The following DPP10 variants were observed in gnomAD, a reference collection of about 807,000 sequenced individuals.
DPP10 encodes dipeptidyl peptidase like 10.
A neutral mutation model predicts 120.9 loss-of-function variants in DPP10; 33 were observed. That is an observed-to-expected ratio of 0.27 (90% confidence interval 0.21 to 0.37). The LOEUF is 0.37. Among genes scored for constraint, DPP10 ranks in the 10% least tolerant of loss-of-function variants. DPP10 has a pLI of 1.00. For missense variants in DPP10, 816 were observed against 942.8 expected (o/e 0.87, Z 1.76); for synonymous variants, 337 against 326.1 (o/e 1.03, Z -0.36).
At chr2:114,704,999 C>T (rs1387045010) in intron 1 of DPP10, among the ~76,000 whole-genome samples, 13 of 152,150 alleles carry the variant, frequency 8.5e-5, no homozygotes, top group Non-Finnish European at 4.4e-5. Flanking sequence ...TCCCCAAAAC[C>T]AACCCTGCCA....
chr2:114,789,618 T>A (rs1196086589), intron 1 of DPP10, among the ~76,000 whole-genome samples: 1 of 152,142 alleles, frequency 6.6e-6, no homozygotes, highest in Non-Finnish European at 1.5e-5. Flanking sequence ...AAGCCCTGAT[T>A]TAGAAGATAC....
At chr2:115,336,910 G>C (rs989186975) in intron 2 of DPP10, among the ~76,000 whole-genome samples, 1 of 151,806 alleles carries the variant, frequency 6.6e-6, no homozygotes, top group African/African-American at 2.4e-5. Flanking sequence ...CTGTTTGCTA[G>C]GTAAAAATAA....
In DPP10 at chr2:114,451,094, A is replaced by ATT. The variant is rs35588145; in HGVS notation, c.60+8266_60+8267dup. ...TATTTAAAGATCGGCCCTTTATTTGATTTTTTTTTTTGATTCAGTGAAAGA... is the reference window on the plus strand; with the variant it reads ...TATTTAAAGATCGGCCCTTTATTTGATTTTTTTTTTTTTGATTCAGTGAAAGA... On this transcript the variant is annotated intron_variant, in intron 1 of 25. Coordinates refer to ENST00000410059, the MANE Select transcript of DPP10 (RefSeq NM_020868.6). Among the ~76,000 whole-genome samples the ATT allele has an allele frequency of 6.6e-4, 99 of 150,244 alleles. 3 individuals carry two copies. In the East Asian group the frequency reaches 9.2e-3, roughly 14 times the overall value.
At chr2:115,002,674 A>G (rs1701521908) in intron 1 of DPP10, among the ~76,000 whole-genome samples, 1 of 152,202 alleles carries the variant, frequency 6.6e-6, no homozygotes. Context: ...ACAAGAAAAA[A>G]ATAACCCCAC....
At chr2:114,782,534 T>C (rs1442206046) in intron 1 of DPP10, among the ~76,000 whole-genome samples, 2 of 152,004 alleles carry the variant, frequency 1.3e-5, no homozygotes, top group Non-Finnish European at 2.9e-5. Flanking sequence ...AGGGGGGTGT[T>C]ACATTGACTA....
At chr2:115,385,934 C>T (rs1449179226) in intron 3 of DPP10, among the ~76,000 whole-genome samples, 1 of 152,158 alleles carries the variant, frequency 6.6e-6, no homozygotes, top group Non-Finnish European at 1.5e-5. Context: ...TTCCGAAAGA[C>T]AAGCAAATGG....
In DPP10 at chr2:114,494,761, G is replaced by C. The variant is rs369387831; in HGVS notation, c.60+51923G>C. Among the ~76,000 whole-genome samples, 8 of 152,208 alleles carry C rather than the reference G, an allele frequency of 5.3e-5. No homozygotes were observed. The East Asian group carries it at 1.2e-3, about 22-fold the overall frequency. ...ACATTACTGAGGTCATTTGGCCAGG[G>C]TTTTCTGCAAGAGTAAGGCAAAAGA... is the stretch of plus-strand genomic sequence containing the variant. On this transcript the variant is annotated intron_variant, in intron 1 of 25. Coordinates refer to ENST00000410059, the MANE Select transcript of DPP10 (RefSeq NM_020868.6).
chr2:115,415,084 A>G (rs1224394297), intron 3 of DPP10, among the ~76,000 whole-genome samples: 1 of 152,124 alleles, frequency 6.6e-6, no homozygotes, highest in Non-Finnish European at 1.5e-5. Context: ...TATGCTGCAA[A>G]CTGTGATCCT....
chr2:114,833,489 G>A (rs1687325445), intron 1 of DPP10: 1 of 151,910 alleles, frequency 6.6e-6, no homozygotes, highest in African/African-American at 2.4e-5. Context: ...AAATAAATAG[G>A]GACAGCTCAG....
chr2:114,888,457 C>T (rs1692264410), intron 1 of DPP10, among the ~76,000 whole-genome samples: 1 of 152,006 alleles, frequency 6.6e-6, no homozygotes, highest in South Asian at 2.1e-4. Flanking sequence ...GTATAATGAT[C>T]AAGATTAAAG....
intron 5 of DPP10, among the ~76,000 whole-genome samples, chr2:115,634,110 A>C (rs2086122655): frequency 6.6e-6 from 1 of 151,580 alleles, no homozygotes; most frequent in Non-Finnish European, 1.5e-5. Context: ...TTGTGAAGTT[A>C]TTGTGTTGTG....
chr2:115,088,750 C>CAAAAAAAAAAAAAAAAAAAA (rs70941027), intron 1 of DPP10, among the ~76,000 whole-genome samples: 2 of 65,038 alleles, frequency 3.1e-5, no homozygotes, highest in African/African-American at 5.6e-5. Context: ...CTGTGCCTGA[C>CAAAAAAAAAAAAAAAAAAAA]AAAAAAAAAA....
At chr2:114,899,313 A>C (rs757273618) in intron 1 of DPP10, among the ~76,000 whole-genome samples, 8 of 152,110 alleles carry the variant, frequency 5.3e-5, no homozygotes, top group Admixed American at 2.0e-4. Flanking sequence ...GAAATAAAAT[A>C]GACAACCACG....
chr2:115,396,863 A>G (rs1034431253), intron 3 of DPP10, among the ~76,000 whole-genome samples: 3 of 152,140 alleles, frequency 2.0e-5, no homozygotes, highest in Admixed American at 6.6e-5. Context: ...CAAGGAAACT[A>G]CCGAGACTCA....
rs188821676 is a variant in DPP10 at position 115,547,721 on chromosome 2, C to T, written c.441+21749C>T. 7.1e-4 allele frequency among the ~76,000 whole-genome samples: 107 copies of T among 149,946 alleles called. 1 individual carries two copies. The highest frequency in any genetic ancestry group is 8.9e-4 in the Non-Finnish European group (60 of 67,732). On this transcript the variant is annotated intron_variant, in intron 5 of 25. Coordinates refer to ENST00000410059, the MANE Select transcript of DPP10 (RefSeq NM_020868.6). ...TCCAGGCTACAATAAACTGTGATTA[C>T]GCCACTGAACTCCAGCCTAGGCAAC...
intron 1 of DPP10, among the ~76,000 whole-genome samples, chr2:114,746,761 T>A (rs1241319878): frequency 6.6e-6 from 1 of 152,202 alleles, no homozygotes; most frequent in Non-Finnish European, 1.5e-5. Flanking sequence ...CAAAGCAAGC[T>A]GCTCTAGGAG....
rs535391278 is a variant in DPP10, at chr2:115,317,664, G to T, written c.175+8311G>T. Among the ~76,000 whole-genome samples the T allele has an allele frequency of 7.4e-5, 11 of 148,924 alleles. 1 individual carries two copies. The highest frequency in any genetic ancestry group is 2.2e-4 in the African/African-American group (9 of 40,456). On this transcript the variant is annotated intron_variant, in intron 2 of 25. Transcript: ENST00000410059. ...TTTTTTTTCAATTATGGGCATTCAA[G>T]AGATATGAAGTAGTATCTCATTTGG...
chr2:115,440,974 C>G (rs1045054024), intron 3 of DPP10: 1 of 152,026 alleles, frequency 6.6e-6, no homozygotes, highest in African/African-American at 2.4e-5. Context: ...GGTAAGGAGC[C>G]CTTAGTGTCT....
intron 1 of DPP10, among the ~76,000 whole-genome samples, chr2:114,716,836 T>C (rs966343204): frequency 6.6e-6 from 1 of 152,220 alleles, no homozygotes; most frequent in African/African-American, 2.4e-5. Context: ...ATCCACTATT[T>C]GAGGAAGGGT....
Sources: gnomAD v4.1 joint callset for allele counts (sites outside exome capture counted in the v4.1 genomes callset) on GRCh38, gnomAD v4.1.1 for gene constraint, MANE v1.5 for transcripts, NCBI Gene and HGNC (gene_info 2026-07-23, HGNC 2026-07-21) for gene names.